Variants in OR2A14 observed in about 807,000 individuals in gnomAD.
OR2A14 encodes olfactory receptor family 2 subfamily A member 14.
Under a neutral mutation model 2.4 loss-of-function variants are expected in OR2A14, and 2 were observed. The ratio of observed to expected loss-of-function variants is 0.85; its 90% CI spans 0.35 to 2.67. OR2A14 has a LOEUF of 2.67. Among genes scored for constraint, OR2A14 ranks in the 30% most tolerant of loss-of-function variants. OR2A14 has a pLI of 0.10. For missense variants in OR2A14, 390 were observed against 379.4 expected, an observed-to-expected ratio of 1.03 and a Z score of -0.23; for synonymous variants, 160 against 156.3, an observed-to-expected ratio of 1.02 and a Z score of -0.18.
chr7:144,124,766 T>G (rs1224734471), intron 1 of OR2A14, among the ~76,000 whole-genome samples: 1 of 152,172 alleles, frequency 6.6e-6, no homozygotes, highest in Non-Finnish European at 1.5e-5. Flanking sequence ...TTACAGCCTG[T>G]ATTTTTTTTT....
Position 144,129,942 on chromosome 7 carries a change from A to T in OR2A14, c.830A>T (p.Tyr277Phe). Residue 277 changes from tyrosine (Y) to phenylalanine (F), a missense_variant, in exon 2 of 2, where the codon TAC becomes TTC. By Grantham distance (22) the Tyr-to-Phe change is conservative (BLOSUM62 3). Transcript: ENST00000641068. Reference protein sequence around the residue: ...EEQQKVLSLFYSLFNPMLNPL... With the variant: ...EEQQKVLSLFFSLFNPMLNPL... The stretch of plus-strand genomic sequence containing the variant: ...CAGCAGAAAGTTCTTTCCCTGTTTT[A>T]CAGCCTTTTCAATCCAATGCTGAAC... The T allele has an allele frequency of 6.2e-7, 1 of 1,614,140 alleles. No individual in the cohort carries two copies. The highest frequency in any genetic ancestry group is 1.3e-5 in the African/African-American group (1 of 75,056).
At position 144,129,719 on chromosome 7, in the gene OR2A14, G is replaced by T. The variant is rs199919624; in HGVS notation, c.607G>T (p.Val203Leu). ...LNQVVIFAAC[V>L]FILVGPLCLV... ...CCAGGTGGTCATCTTTGCAGCCTGC[G>T]TGTTCATCCTGGTGGGGCCACTCTG... The change falls in exon 2 of 2, where the codon GTG becomes TTG. Residue 203 changes from valine to leucine, a missense_variant. Transcript: ENST00000641068. 6.2e-7 allele frequency: 1 copy of T among 1,614,088 alleles called. No individual in the cohort carries two copies. Among genetic ancestry groups the T allele is most frequent in the African/African-American group, 1.3e-5 (1 of 75,054 alleles).
At chr7:144,127,504 T>C (rs1277881415) in intron 1 of OR2A14, among the ~76,000 whole-genome samples, 1 of 152,204 alleles carries the variant, frequency 6.6e-6, no homozygotes, top group East Asian at 1.9e-4. Context: ...TTAAGAGAAA[T>C]GTATCTCAAT....
At position 144,123,729 on chromosome 7, in the gene OR2A14, T is replaced by A. The variant is rs145916048; in HGVS notation, c.-35+465T>A. ...GTATCCTCCTTGCCCCTCTGCTAACTGCCTAGTCCTGCACATTCTCAGAAG... is the reference window on the plus strand; with the variant it reads ...GTATCCTCCTTGCCCCTCTGCTAACAGCCTAGTCCTGCACATTCTCAGAAG... On this transcript the variant is annotated intron_variant, in intron 1 of 1. Transcript: ENST00000641068. Among the ~76,000 whole-genome samples the A allele has an allele frequency of 2.5e-3, 387 of 152,332 alleles. 5 individuals are homozygous for A. Among genetic ancestry groups the A allele is most frequent in the Admixed American group, 0.021 (318 of 15,300 alleles).
At chr7:144,128,581 G>A (rs777402589) in intron 1 of OR2A14, among the ~76,000 whole-genome samples, 8 of 152,164 alleles carry the variant, frequency 5.3e-5, no homozygotes, top group Non-Finnish European at 7.4e-5. Flanking sequence ...GAAATAAGTG[G>A]GTAGAAAAGC....
chr7:144,129,727 C>T lies in OR2A14; in HGVS notation c.615C>T (p.Ile205=), dbSNP rs753169051. ...TCATCTTTGCAGCCTGCGTGTTCAT[C>T]CTGGTGGGGCCACTCTGCCTGGTGC... is the stretch of plus-strand genomic sequence containing the variant. ...QVVIFAACVF[I]LVGPLCLVLV... The change falls in exon 2 of 2, where the codon ATC becomes ATT. Residue 205 remains isoleucine, a synonymous_variant. Transcript: ENST00000641068. 2.5e-6 allele frequency: 4 copies of T among 1,614,082 alleles called. No homozygotes were observed. Among genetic ancestry groups the T allele is most frequent in the East Asian group, 2.2e-5 (1 of 44,886 alleles).
chr7:144,125,719 ATT>A (rs1184929054), intron 1 of OR2A14, among the ~76,000 whole-genome samples: 1 of 152,042 alleles, frequency 6.6e-6, no homozygotes, highest in Non-Finnish European at 1.5e-5. Flanking sequence ...TAAGAATTCT[ATT>A]TGTTTCTTTC....
At chr7:144,127,082 G>A (rs1197222423) in intron 1 of OR2A14, among the ~76,000 whole-genome samples, 1 of 152,180 alleles carries the variant, frequency 6.6e-6, no homozygotes, top group Non-Finnish European at 1.5e-5. Flanking sequence ...GAAATGTGAG[G>A]TGTGGAAGAG....
rs763930041 is a variant in OR2A14, at chr7:144,130,091, A to G, written c.*46A>G. 1.4e-6 allele frequency: 2 copies of G among 1,472,846 alleles called. No individual in the cohort carries two copies. The highest frequency in any genetic ancestry group is 1.6e-5 in the African/African-American group (1 of 60,962). 91.2% of individuals were successfully genotyped at this position (1,472,846 alleles called of 1,614,324 possible). A position where few individuals can be genotyped will look rare whatever the true frequency, so the allele number is the denominator to read the frequency against. ...GGGGAGGGAGCCTTGCTCCCTGCAA[A>G]ATATAGAAGTTGGCTTTTTTTTTTT... On this transcript the variant is annotated 3_prime_UTR_variant, in exon 2 of 2. Transcript: ENST00000641068.
intron 1 of OR2A14, among the ~76,000 whole-genome samples, chr7:144,125,596 T>C (rs2051477014): frequency 6.6e-6 from 1 of 152,238 alleles, no homozygotes; most frequent in Non-Finnish European, 1.5e-5. Flanking sequence ...GTAGCCACCA[T>C]TATAGACTTT....
At chr7:144,124,941 G>A (rs897562048) in intron 1 of OR2A14, among the ~76,000 whole-genome samples, 4 of 152,168 alleles carry the variant, frequency 2.6e-5, no homozygotes, top group East Asian at 1.9e-4. Flanking sequence ...CAAGATAAAC[G>A]TGAAAGTGTT....
chr7:144,129,156 GATTCCA>G lies in OR2A14; in HGVS notation c.45_50del (p.Phe16_Gln17del). ...TGGATCACAGACATCACCTTGCCGC[GATTCCA>G]GGTTGGTCCAGCACTGGAGATTCTC... On this transcript the variant is annotated inframe_deletion, in exon 2 of 2. Coordinates refer to ENST00000641068, the MANE Select transcript of OR2A14 (RefSeq NM_001001659.3). The G allele has an allele frequency of 1.9e-6, 3 of 1,612,320 alleles. No homozygotes were observed. Among genetic ancestry groups the G allele is most frequent in the Non-Finnish European group, 1.7e-6 (2 of 1,180,004 alleles).
At position 144,129,495 on chromosome 7, in the gene OR2A14, C is replaced by T. The variant is rs1467878443; in HGVS notation, c.383C>T (p.Pro128Leu). ...SYDRYADICH[P>L]LRYNSLMSWR... ...GATCGCTATGCGGACATCTGCCACC[C>T]CTTACGTTACAATAGCCTCATGAGC... is the stretch of plus-strand genomic sequence containing the variant. The change falls in exon 2 of 2, where the codon CCC becomes CTC. Residue 128 changes from proline (P) to leucine (L), a missense_variant. Coordinates refer to ENST00000641068, the MANE Select transcript of OR2A14 (RefSeq NM_001001659.3). The T allele has an allele frequency of 1.9e-6, 3 of 1,614,148 alleles. No homozygotes were observed.
At chr7:144,128,917 T>G in intron 1 of OR2A14, 162 bp from the exon 2 acceptor site, 2 of 576,264 alleles carry the variant, frequency 3.5e-6, no homozygotes, top group Non-Finnish European at 6.2e-6. Context: ...CACATATACA[T>G]GTATGTATTC....
chr7:144,125,438 C>T (rs893704591), intron 1 of OR2A14, among the ~76,000 whole-genome samples: 3 of 152,054 alleles, frequency 2.0e-5, no homozygotes, highest in African/African-American at 4.8e-5. Context: ...ACAGGCTTTT[C>T]TAAAAGAAAA....
chr7:144,129,436 C>T lies in OR2A14; in HGVS notation c.324C>T (p.His108=), dbSNP rs559068119. Residue 108 remains histidine, a synonymous_variant, in exon 2 of 2, where the codon CAC becomes CAT. Transcript: ENST00000641068. ...CATTCTTGTATTTGGCTTTTGCTCA[C>T]GTAGAGTGTCTGATTTTGGTGGTGA... ...MQTFLYLAFA[H]VECLILVVMS... The T allele has an allele frequency of 2.8e-5, 46 of 1,614,084 alleles. No individual in the cohort carries two copies. The South Asian group carries it at 3.1e-4, about 11-fold the overall frequency.
chr7:144,124,940 C>T (rs975908783), intron 1 of OR2A14, among the ~76,000 whole-genome samples: 2 of 152,142 alleles, frequency 1.3e-5, no homozygotes, highest in African/African-American at 2.4e-5. Flanking sequence ...GCAAGATAAA[C>T]GTGAAAGTGT....
intron 1 of OR2A14, among the ~76,000 whole-genome samples, chr7:144,128,701 A>G (rs990140175): frequency 6.6e-6 from 1 of 152,224 alleles, no homozygotes; most frequent in Non-Finnish European, 1.5e-5. Context: ...ACCACCTCAT[A>G]ATGCAACATT....
At position 144,129,580 on chromosome 7, in the gene OR2A14, G is replaced by A. The variant is rs769869666; in HGVS notation, c.468G>A (p.Leu156=). Residue 156 remains leucine, a synonymous_variant, in exon 2 of 2, where the codon CTG becomes CTA. Transcript: ENST00000641068. ...GGGTGTTCAGCTTCCTCCTGGCTCT[G>A]GTCCCTTTAGTTCTCATCCTGAGCC... ...ASWVFSFLLA[L]VPLVLILSLP... is the part of the protein sequence containing the mutation. 4 of 1,614,050 alleles carry A rather than the reference G, an allele frequency of 2.5e-6. No individual in the cohort carries two copies. The South Asian group carries it at 3.3e-5, about 13-fold the overall frequency.
Sources: allele counts gnomAD v4.1 joint callset (sites outside exome capture counted in the v4.1 genomes callset), GRCh38; gene constraint gnomAD v4.1.1; transcripts MANE v1.5; gene names NCBI Gene and HGNC (gene_info 2026-07-23, HGNC 2026-07-21).